ST6GALNAC6: variants seen among roughly 807,000 people sequenced by gnomAD.
The protein encoded by ST6GALNAC6 is ST6 N-acetylgalactosaminide alpha-2,6-sialyltransferase 6.
ST6GALNAC6 carries 19 observed loss-of-function variants against 34.3 expected under a neutral mutation model. The ratio of observed to expected loss-of-function variants is 0.55; its 90% confidence interval spans 0.39 to 0.81. ST6GALNAC6 has a LOEUF of 0.81. ST6GALNAC6 is among the 40% of genes least tolerant of loss of function. The pLI, the probability that ST6GALNAC6 is intolerant of heterozygous loss-of-function variation, is 0.00. For synonymous variants in ST6GALNAC6, 185 were observed against 182.1 expected (o/e 1.02, Z -0.13); for missense variants, 377 against 467.7 (o/e 0.81, Z 1.79).
upstream of ST6GALNAC6, among the ~76,000 whole-genome samples, chr9:127,900,844 C>G (rs1378520154): frequency 2.1e-5 from 3 of 144,998 alleles, no homozygotes; most frequent in Non-Finnish European, 4.5e-5. Context: ...ATTAGCGAGG[C>G]GTTGTGGCGG....
At chr9:127,894,388 C>T (rs1168681783) in intron 4 of ST6GALNAC6, 124 bp downstream of exon 4, 2 of 1,241,134 alleles carry the variant, frequency 1.6e-6, no homozygotes, top group Admixed American at 2.3e-5. Flanking sequence ...CAGCAAGCAG[C>T]AAGATGAAAT....
rs144348873 is a variant in ST6GALNAC6, at chr9:127,890,960, C to T, written c.381G>A (p.Glu127=). ...LLGTKLGPEI[E]RAECTIRMND... is the part of the protein sequence containing the mutation. ...TCATGCGGATTGTACACTCAGCCCG[C>T]TCGATCTCAGGGCCCAGCTTGGTGC... The change falls in exon 5 of 7, where the codon GAG becomes GAA. Residue 127 remains glutamate (E), a synonymous_variant. Transcript: ENST00000373146. The surrounding 1 kb of genome is among the most constrained non-coding windows in gnomAD (Gnocchi z 4.3). 2.7e-5 allele frequency: 43 copies of T among 1,614,058 alleles called. No homozygotes were observed. Among genetic ancestry groups the T allele is most frequent in the Non-Finnish European group, 3.1e-5 (37 of 1,180,036 alleles).
chr9:127,903,441 TTTTC>T (rs1381798509), upstream of ST6GALNAC6: 4 of 152,208 alleles, frequency 2.6e-5, no homozygotes, highest in African/African-American at 9.7e-5. Flanking sequence ...CTACCTTCAC[TTTTC>T]CCTTTATAAA....
In ST6GALNAC6 at chr9:127,886,549, C is replaced by G; in HGVS notation, c.*50G>C. 3.1e-6 allele frequency: 5 copies of G among 1,604,256 alleles called. No individual in the cohort carries two copies. Among genetic ancestry groups the G allele is most frequent in the Non-Finnish European group, 4.3e-6 (5 of 1,175,048 alleles). On this transcript the variant is annotated 3_prime_UTR_variant, in exon 7 of 7. Transcript: ENST00000373146. ...GATGGTCCCTGGCCTAGCGGCTGGG[C>G]GGAGGCTGCTTCTCCTCTGACCCTC...
At chr9:127,887,157 G>T (rs140801680) in intron 6 of ST6GALNAC6, among the ~76,000 whole-genome samples, 1 of 152,068 alleles carries the variant, frequency 6.6e-6, no homozygotes, top group African/African-American at 2.4e-5. Context: ...TTCTTATCCC[G>T]TAAGGTTGCT....
intron 4 of ST6GALNAC6, 68 bp downstream of exon 4, chr9:127,894,444 G>T (rs1364588827): frequency 6.4e-7 from 1 of 1,562,592 alleles, no homozygotes; most frequent in Admixed American, 1.8e-5. Context: ...TTTCCTTTAG[G>T]AAAGAACAGG....
At chr9:127,891,953 A>G (rs560069574) in intron 4 of ST6GALNAC6, among the ~76,000 whole-genome samples, 1 of 152,124 alleles carries the variant, frequency 6.6e-6, no homozygotes, top group Non-Finnish European at 1.5e-5. Context: ...GGAGTTCGAG[A>G]CCAGCCTGAC....
upstream of ST6GALNAC6, chr9:127,905,968 C>CGTG: frequency 1.0e-6 from 1 of 985,550 alleles, no homozygotes; most frequent in Non-Finnish European, 1.2e-6. Flanking sequence ...CTCCTCGCTC[C>CGTG]GTGCTGTGGC....
At chr9:127,899,722 G>A (rs1830683778), upstream of ST6GALNAC6, 1 of 945,722 alleles carries the variant, frequency 1.1e-6, no homozygotes, top group Non-Finnish European at 1.3e-6. Context: ...GGGCGGGGAA[G>A]GGAAAGGGGA....
Position 127,890,738 on chromosome 9 carries a change from C to G in ST6GALNAC6, c.603G>C (p.Gln201His). The change falls in exon 5 of 7, where the codon CAG becomes CAC. Residue 201 changes from glutamine to histidine, a missense_variant. Gln to His is a conservative substitution (Grantham distance 24, BLOSUM62 0). Transcript: ENST00000373146. The surrounding 1 kb of genome is among the most constrained non-coding windows in gnomAD (Gnocchi z 4.3). ...KPQGSLVRVI[Q>H]RAGLVFPNME... The stretch of plus-strand genomic sequence containing the variant: ...TGTTGGGGAACACCAGGCCCGCTCG[C>G]TGGATCACACGCACGAGGCTGCCCT... 1 of 1,613,592 alleles carries G rather than the reference C, an allele frequency of 6.2e-7. No individual in the cohort carries two copies. Among genetic ancestry groups the G allele is most frequent in the Non-Finnish European group, 8.5e-7 (1 of 1,179,730 alleles).
intron 5 of ST6GALNAC6, among the ~76,000 whole-genome samples, chr9:127,888,676 C>T (rs561099838): frequency 1.3e-5 from 2 of 152,090 alleles, no homozygotes; most frequent in African/African-American, 2.4e-5. Context: ...CGTGGTGGCA[C>T]GTGCCTGTGA....
chr9:127,889,948 G>A (rs566631164), intron 5 of ST6GALNAC6, among the ~76,000 whole-genome samples: 4 of 152,088 alleles, frequency 2.6e-5, no homozygotes, highest in Admixed American at 6.5e-5. Flanking sequence ...TTAAGGAGAT[G>A]TAAGATGTAA....
At chr9:127,888,497 CCTT>C (rs1829923804) in intron 5 of ST6GALNAC6, among the ~76,000 whole-genome samples, 2 of 133,182 alleles carry the variant, frequency 1.5e-5, no homozygotes, top group African/African-American at 5.8e-5. Context: ...GAGTGAGACT[CCTT>C]CTCCAAAAAA....
Position 127,885,691 on chromosome 9 carries a change from C to T in ST6GALNAC6, c.*908G>A, listed in dbSNP as rs1331240011. 6.6e-6 allele frequency: 1 copy of T among 152,260 alleles called. No homozygotes were observed. Among genetic ancestry groups the T allele is most frequent in the Admixed American group, 6.5e-5 (1 of 15,288 alleles). 9.4% of individuals were successfully genotyped at this position (152,260 alleles called of 1,614,324 possible). On this transcript the variant is annotated 3_prime_UTR_variant, in exon 7 of 7. Transcript: ENST00000373146. ...CGCCTCCAACAGTTGGAAAACCTCC[C>T]TGCTAGAGGGCAGAAAAGGAGGCCT...
At position 127,894,573 on chromosome 9, in the gene ST6GALNAC6, C is replaced by A; in HGVS notation, c.236G>T (p.Arg79Leu). 1.9e-6 allele frequency: 3 copies of A among 1,614,120 alleles called. No individual in the cohort carries two copies. The highest frequency in any genetic ancestry group is 2.5e-6 in the Non-Finnish European group (3 of 1,180,022). The change falls in exon 4 of 7, where the codon CGA (arginine) becomes CTA (leucine). Residue 79 changes from arginine (R) to leucine (L), a missense_variant. Arg to Leu is a moderately radical substitution (Grantham distance 102). Coordinates refer to ENST00000373146, the MANE Select transcript of ST6GALNAC6 (RefSeq NM_013443.5). ...GCTCCACTTCTTGAGGTTGACAGGT[C>A]GGCGGCTACGGCCCCGCAGGGAGCC... The part of the protein sequence containing the change: ...HYGSLRGRSR[R>L]PVNLKKWSIT...
At chr9:127,895,309 G>T (rs376095100) in intron 3 of ST6GALNAC6, among the ~76,000 whole-genome samples, 1 of 152,118 alleles carries the variant, frequency 6.6e-6, no homozygotes, top group Non-Finnish European at 1.5e-5. Context: ...CAGTGCACAC[G>T]GCCTCTCCAG....
chr9:127,903,974 T>C (rs1234817334), upstream of ST6GALNAC6: 1 of 152,224 alleles, frequency 6.6e-6, no homozygotes, highest in Non-Finnish European at 1.5e-5. Flanking sequence ...CTGCCATGTC[T>C]CTGGGCCCAG....
At chr9:127,899,770 T>C (rs1830686558), upstream of ST6GALNAC6, 24 of 572,360 alleles carry the variant, frequency 4.2e-5, no homozygotes, top group Non-Finnish European at 5.3e-5. Context: ...AGCGCCTCGG[T>C]CACCCCACTG....
upstream of ST6GALNAC6, among the ~76,000 whole-genome samples, chr9:127,906,472 G>A (rs572276836): frequency 1.2e-3 from 190 of 152,252 alleles, no homozygotes; most frequent in African/African-American, 4.4e-3. Context: ...CTCCAGCCCA[G>A]GGGTGCAGGG....
Sources: gnomAD v4.1 joint callset for allele counts (sites outside exome capture counted in the v4.1 genomes callset) on GRCh38, gnomAD v4.1.1 for gene constraint, Gnocchi (gnomAD v3.1) non-coding constraint, MANE v1.5 for transcripts, NCBI Gene and HGNC (gene_info 2026-07-23, HGNC 2026-07-21) for gene names.